LATS2: variants seen among roughly 807,000 people sequenced by gnomAD.
LATS2 encodes the protein serine/threonine-protein kinase LATS2.
In LATS2, 24 loss-of-function variants were observed where a neutral mutation model predicts 76.0. That is an observed-to-expected ratio of 0.32 (90% confidence interval 0.23 to 0.44). The LOEUF is 0.44. LATS2 is among the 20% of genes least tolerant of loss of function. The pLI is 1.00. For missense variants in LATS2, 1,286 were observed against 1,481.2 expected (o/e 0.87, Z 2.16); for synonymous variants, 692 against 635.4 (o/e 1.09, Z -1.34).
At chr13:21,033,101 TAGC>T (rs900164855) in intron 2 of LATS2, among the ~76,000 whole-genome samples, 2 of 151,190 alleles carry the variant, frequency 1.3e-5, no homozygotes, top group African/African-American at 4.9e-5. Context: ...AGCAGGGTGT[TAGC>T]AGCAAAGACA....
In LATS2 at chr13:20,989,226, T is replaced by G; in HGVS notation, c.554A>C (p.Gln185Pro). ...GCCCTCGTAGGGGGTACCGCTCAGC[T>G]GGTGGTAGGACGCAAACGAATCGCC... ...GTGDSFASYH[Q>P]LSGTPYEGPS... Residue 185 changes from glutamine (Q) to proline (P), a missense_variant, in exon 4 of 8, where the codon CAG becomes CCG. By Grantham distance (76) the Gln-to-Pro change is moderately conservative. Around this residue, in one of 5 missense-constraint regions of LATS2, gnomAD observed 710 missense variants for 660.9 expected, o/e 1.07. Transcript: ENST00000382592. 1 of 1,613,900 alleles carries G rather than the reference T, an allele frequency of 6.2e-7. No individual in the cohort carries two copies. Among genetic ancestry groups the G allele is most frequent in the Non-Finnish European group, 8.5e-7 (1 of 1,180,008 alleles).
At chr13:21,001,051 A>G (rs1871019226) in intron 2 of LATS2, among the ~76,000 whole-genome samples, 2 of 152,268 alleles carry the variant, frequency 1.3e-5, no homozygotes, top group East Asian at 1.9e-4. Flanking sequence ...ATCTAGCTAC[A>G]TAATTGTGGA....
chr13:21,047,105 G>C (rs1305746683), intron 1 of LATS2, among the ~76,000 whole-genome samples: 3 of 152,098 alleles, frequency 2.0e-5, no homozygotes, highest in Non-Finnish European at 2.9e-5. Context: ...TTTTCCAATA[G>C]TAAATTCTAC....
chr13:20,988,853 G>A lies in LATS2; in HGVS notation c.927C>T (p.Ala309=), dbSNP rs367606968. ...GGTGTGGGTGCGGCACGTAGAGCCC[G>A]GCGGCAGGGGGTGGGAAAGCGAGGC... ...GAGLAFPPPA[A]GLYVPHPHHK... The change falls in exon 4 of 8, where the codon GCC becomes GCT. Residue 309 remains alanine (A), a synonymous_variant. Transcript: ENST00000382592. 1.3e-6 allele frequency: 2 copies of A among 1,587,884 alleles called. No homozygotes were observed. The highest frequency in any genetic ancestry group is 2.3e-5 in the East Asian group (1 of 44,364).
At chr13:21,033,728 GCTGA>G (rs1872606197) in intron 2 of LATS2, among the ~76,000 whole-genome samples, 1 of 149,298 alleles carries the variant, frequency 6.7e-6, no homozygotes, top group African/African-American at 2.5e-5. Context: ...ACAGCTCTCT[GCTGA>G]CTAACAGCTT....
intron 1 of LATS2, among the ~76,000 whole-genome samples, chr13:21,052,682 A>T (rs1458480972): frequency 1.3e-5 from 2 of 152,178 alleles, no homozygotes; most frequent in Non-Finnish European, 2.9e-5. Context: ...AGTGTTTGAG[A>T]ATGATGCTTA....
At position 21,023,647 on chromosome 13, in the gene LATS2, A is replaced by G. The variant is rs866256605; in HGVS notation, c.342+22038T>C. On this transcript the variant is annotated intron_variant, in intron 2 of 7. Coordinates refer to ENST00000382592, the MANE Select transcript of LATS2 (RefSeq NM_014572.3). The stretch of plus-strand genomic sequence containing the variant: ...TGACACATTTTCTATGACTGGCTTT[A>G]AAAAAAAAAAAAAAAAAAAAAAAAA... Among the ~76,000 whole-genome samples the G allele has an allele frequency of 1.2e-3, 3 of 2,564 alleles. No homozygotes were observed. The South Asian group carries it at 0.068, about 58-fold the overall frequency. The allele number at this position is 2,564 out of a possible 152,430, so 1.7% of individuals were successfully genotyped here.
intron 1 of LATS2, among the ~76,000 whole-genome samples, chr13:21,048,555 A>G (rs955695761): frequency 1.3e-5 from 2 of 152,126 alleles, no homozygotes; most frequent in African/African-American, 4.8e-5. Context: ...TCAAGGCTGG[A>G]CGTGGTGGCT....
At chr13:21,047,154 T>C (rs867400327) in intron 1 of LATS2, among the ~76,000 whole-genome samples, 2 of 152,196 alleles carry the variant, frequency 1.3e-5, no homozygotes, top group African/African-American at 4.8e-5. Flanking sequence ...CTGCTGTTCT[T>C]TGATTCAGAA....
chr13:21,059,679 T>G lies in LATS2; in HGVS notation c.-205+1667A>C, dbSNP rs186168094. Among the ~76,000 whole-genome samples the G allele has an allele frequency of 2.6e-4, 38 of 148,706 alleles. No homozygotes were observed. The East Asian group carries it at 7.9e-3, about 31-fold the overall frequency. The stretch of plus-strand genomic sequence containing the variant: ...TGTAAAAGTTCTTGTTCAAAATTCT[T>G]GTCAGGTGGGGCGCGGTGGCTCACG... On this transcript the variant is annotated intron_variant, in intron 1 of 7. Transcript: ENST00000382592.
At chr13:21,048,568 C>T (rs576206566) in intron 1 of LATS2, among the ~76,000 whole-genome samples, 28 of 152,282 alleles carry the variant, frequency 1.8e-4, no homozygotes, top group Non-Finnish European at 3.4e-4. Flanking sequence ...TGGTGGCTCA[C>T]GTCTGTAATC....
At chr13:21,008,371 C>G (rs1281379595) in intron 2 of LATS2, among the ~76,000 whole-genome samples, 1 of 151,890 alleles carries the variant, frequency 6.6e-6, no homozygotes, top group Non-Finnish European at 1.5e-5. Flanking sequence ...GAGGGGCAGC[C>G]CGCTGGGTGG....
Position 21,019,505 on chromosome 13 carries a change from T to TTTTG in LATS2, c.342+26179_342+26180insCAAA, listed in dbSNP as rs1385664529. On this transcript the variant is annotated intron_variant, in intron 2 of 7. Transcript: ENST00000382592. Reference sequence around the variant, plus strand: ...CCACGCCCAGCTAATTTTTTTTTTTTTGTATTTTTGTATTTTTAGTAGAGA... The same window carrying TTTTG: ...CCACGCCCAGCTAATTTTTTTTTTTTTTTGTGTATTTTTGTATTTTTAGTAGAGA... Among the ~76,000 whole-genome samples the TTTTG allele has an allele frequency of 1.1e-3, 146 of 127,174 alleles. 1 individual carries two copies. In the Middle Eastern group the frequency reaches 0.012, roughly 10 times the overall value. 83.4% of individuals were successfully genotyped at this position (127,174 alleles called of 152,430 possible).
At chr13:20,985,616 G>A (rs1870105990) in intron 4 of LATS2, among the ~76,000 whole-genome samples, 1 of 152,050 alleles carries the variant, frequency 6.6e-6, no homozygotes, top group Non-Finnish European at 1.5e-5. Flanking sequence ...TCGCACACCT[G>A]TAGTCCCAGC....
intron 2 of LATS2, among the ~76,000 whole-genome samples, chr13:21,033,490 T>G (rs750758299): frequency 1.3e-5 from 2 of 151,676 alleles, no homozygotes; most frequent in Non-Finnish European, 2.9e-5. Flanking sequence ...GGGTGGGGCT[T>G]CTTACTCTAA....
At chr13:21,054,753 G>A (rs1873396029) in intron 1 of LATS2, among the ~76,000 whole-genome samples, 1 of 152,160 alleles carries the variant, frequency 6.6e-6, no homozygotes, top group Admixed American at 6.5e-5. Context: ...CAGGAGTCCT[G>A]GTTTTTCTTT....
intron 6 of LATS2, among the ~76,000 whole-genome samples, chr13:20,980,958 G>A (rs1454609041): frequency 6.6e-6 from 1 of 152,182 alleles, no homozygotes. Flanking sequence ...AATGTTATGA[G>A]CACTAGTCAT....
chr13:20,999,244 G>A (rs1408230662), intron 2 of LATS2, among the ~76,000 whole-genome samples: 2 of 152,238 alleles, frequency 1.3e-5, no homozygotes, highest in African/African-American at 4.8e-5. Flanking sequence ...CCCAGCCGTG[G>A]CCGCCTCCGA....
intron 1 of LATS2, among the ~76,000 whole-genome samples, chr13:21,059,210 C>T (rs2138422704): frequency 6.6e-6 from 1 of 152,322 alleles, no homozygotes; most frequent in African/African-American, 2.4e-5. Context: ...GTGAAAAGAG[C>T]TGTTCAGCTA....
Sources: gnomAD v4.1 joint callset for allele counts (sites outside exome capture counted in the v4.1 genomes callset) on GRCh38, gnomAD v4.1.1 for gene constraint, gnomAD v4.1.1 regional missense constraint, MANE v1.5 for transcripts, NCBI Gene and HGNC (gene_info 2026-07-23, HGNC 2026-07-21) for gene names.